CDKAL1: variants seen among roughly 807,000 people sequenced by gnomAD.
CDKAL1 encodes the protein CDKAL1 threonylcarbamoyladenosine tRNA methylthiotransferase, also known as threonylcarbamoyladenosine tRNA methylthiotransferase.
CDKAL1 carries 32 observed loss-of-function variants against 68.2 expected under a neutral mutation model. That is an observed-to-expected ratio of 0.47 (90% CI 0.35 to 0.63). The LOEUF (loss-of-function observed/expected upper bound fraction) is 0.63. Among genes scored for constraint, CDKAL1 ranks in the 30% least tolerant of loss-of-function variants. The pLI is 0.00. For missense variants in CDKAL1, 606 were observed against 696.7 expected (o/e 0.87, Z 1.47); for synonymous variants, 234 against 244.3 (o/e 0.96, Z 0.39).
chr6:20,803,970 T>G (rs1237837714), intron 8 of CDKAL1, among the ~76,000 whole-genome samples: 1 of 152,008 alleles, frequency 6.6e-6, no homozygotes, highest in Non-Finnish European at 1.5e-5. Flanking sequence ...TTTCATTATT[T>G]TTGGTCCTGT....
intron 11 of CDKAL1, among the ~76,000 whole-genome samples, chr6:21,011,345 C>T: frequency 6.6e-6 from 1 of 151,946 alleles, no homozygotes. Context: ...GATCATGCCA[C>T]TGCACTCCAG....
At chr6:20,627,454 G>A (rs1767481928) in intron 4 of CDKAL1, among the ~76,000 whole-genome samples, 1 of 152,128 alleles carries the variant, frequency 6.6e-6, no homozygotes, top group South Asian at 2.1e-4. Context: ...ATCCCTGGGA[G>A]GTTTCCCTTG....
At chr6:21,108,058 C>A (rs1177860665) in intron 12 of CDKAL1, among the ~76,000 whole-genome samples, 1 of 152,014 alleles carries the variant, frequency 6.6e-6, no homozygotes, top group Non-Finnish European at 1.5e-5. Flanking sequence ...ATCGGAAGTG[C>A]CCTGTGTATT....
chr6:20,712,105 G>C (rs919610245), intron 5 of CDKAL1, among the ~76,000 whole-genome samples: 1 of 152,128 alleles, frequency 6.6e-6, no homozygotes, highest in African/African-American at 2.4e-5. Context: ...GAAGCAAATG[G>C]GGTGTGTAGG....
At chr6:21,023,590 G>C (rs577350045) in intron 11 of CDKAL1, among the ~76,000 whole-genome samples, 1 of 151,726 alleles carries the variant, frequency 6.6e-6, no homozygotes, top group South Asian at 2.1e-4. Context: ...TTATAATTTT[G>C]AAAGTCTCCA....
intron 4 of CDKAL1, among the ~76,000 whole-genome samples, chr6:20,609,779 TCTTTTAA>T (rs1766536491): frequency 6.6e-6 from 1 of 152,180 alleles, no homozygotes; most frequent in South Asian, 2.1e-4. Flanking sequence ...AATTTTATTT[TCTTTTAA>T]CTTTTATTTT....
At chr6:21,096,413 G>C (rs1773318765) in intron 12 of CDKAL1, among the ~76,000 whole-genome samples, 1 of 152,148 alleles carries the variant, frequency 6.6e-6, no homozygotes, top group African/African-American at 2.4e-5. Flanking sequence ...GCAATACTGG[G>C]CTCAAGCTCA....
At chr6:21,112,921 T>C (rs1774195636) in intron 13 of CDKAL1, among the ~76,000 whole-genome samples, 1 of 152,156 alleles carries the variant, frequency 6.6e-6, no homozygotes, top group Non-Finnish European at 1.5e-5. Flanking sequence ...CAGTTCAATC[T>C]TTTTTTAAAA....
In CDKAL1 at chr6:20,966,935, G is replaced by A. The variant is rs566106945; in HGVS notation, c.909+11350G>A. Among the ~76,000 whole-genome samples, 56 of 152,054 alleles carry A rather than the reference G, an allele frequency of 3.7e-4. No individual in the cohort carries two copies. The East Asian group carries it at 8.3e-3, about 23-fold the overall frequency. On this transcript the variant is annotated intron_variant, in intron 10 of 15. Coordinates refer to ENST00000274695, the MANE Select transcript of CDKAL1 (RefSeq NM_017774.3). ...TGTTTCTATATTCTTCCATTATTGC[G>A]TTTGTATTGGTTTATCTGTTGTAAC...
At chr6:20,849,125 A>G (rs1431878359) in intron 9 of CDKAL1, among the ~76,000 whole-genome samples, 1 of 152,032 alleles carries the variant, frequency 6.6e-6, no homozygotes, top group Non-Finnish European at 1.5e-5. Flanking sequence ...GCTTTTTGCT[A>G]TAAGCAGTTT....
At chr6:20,939,701 T>G (rs960509903) in intron 9 of CDKAL1, among the ~76,000 whole-genome samples, 1 of 152,186 alleles carries the variant, frequency 6.6e-6, no homozygotes, top group African/African-American at 2.4e-5. Flanking sequence ...GTGGAGAGTT[T>G]CTCTGTAAAG....
intron 15 of CDKAL1, among the ~76,000 whole-genome samples, chr6:21,201,613 A>G (rs2151109516): frequency 6.6e-6 from 1 of 152,278 alleles, no homozygotes; most frequent in East Asian, 1.9e-4. Context: ...AAGGGGATGA[A>G]GAAAGGGGTG....
chr6:20,693,951 C>A (rs540290455), intron 5 of CDKAL1, among the ~76,000 whole-genome samples: 2 of 151,592 alleles, frequency 1.3e-5, no homozygotes, highest in South Asian at 4.2e-4. Flanking sequence ...TGGCTCACTG[C>A]AACCTCGATC....
chr6:21,211,278 C>T (rs1378508058), intron 15 of CDKAL1, among the ~76,000 whole-genome samples: 1 of 152,184 alleles, frequency 6.6e-6, no homozygotes, highest in East Asian at 1.9e-4. Context: ...AGGGAAATCA[C>T]CTTTAGTATA....
chr6:20,616,801 G>A (rs544911247), intron 4 of CDKAL1, among the ~76,000 whole-genome samples: 17 of 149,944 alleles, frequency 1.1e-4, no homozygotes, highest in African/African-American at 1.5e-4. Flanking sequence ...CCAGGAGTTC[G>A]AGACCAGCCT....
chr6:20,890,735 A>C (rs1252608262), intron 9 of CDKAL1, among the ~76,000 whole-genome samples: 1 of 152,206 alleles, frequency 6.6e-6, no homozygotes, highest in Non-Finnish European at 1.5e-5. Context: ...CTTTTTAATT[A>C]GTGCATCAGG....
At chr6:20,884,979 A>T (rs902700745) in intron 9 of CDKAL1, among the ~76,000 whole-genome samples, 1 of 152,170 alleles carries the variant, frequency 6.6e-6, no homozygotes, top group Non-Finnish European at 1.5e-5. Flanking sequence ...GAAAAAAAAA[A>T]GTGATAAATT....
At chr6:21,108,233 T>C (rs1354486412) in intron 12 of CDKAL1, among the ~76,000 whole-genome samples, 168 bp from the exon 13 acceptor site, 2 of 151,876 alleles carry the variant, frequency 1.3e-5, no homozygotes, top group African/African-American at 4.8e-5. Context: ...CTTTGGTTTT[T>C]AGTTGCACCC....
intron 5 of CDKAL1, among the ~76,000 whole-genome samples, chr6:20,702,345 T>A (rs1044924436): frequency 3.3e-5 from 5 of 152,130 alleles, no homozygotes; most frequent in African/African-American, 1.2e-4. Context: ...TCTATAGGCT[T>A]GTGTTAACCA....
Sources: allele counts gnomAD v4.1 joint callset (sites outside exome capture counted in the v4.1 genomes callset), GRCh38; gene constraint gnomAD v4.1.1; transcripts MANE v1.5; gene names NCBI Gene and HGNC (gene_info 2026-07-23, HGNC 2026-07-21).